The following CABP1 variants were observed in gnomAD, a reference collection of about 807,000 sequenced individuals.
CABP1 encodes the protein calcium binding protein 1, also known as calcium-binding protein 1.
Under a neutral mutation model 34.3 loss-of-function variants are expected in CABP1, and 17 were observed. The ratio of observed to expected loss-of-function variants is 0.50; its 90% CI spans 0.34 to 0.74. The LOEUF is 0.74. Among genes scored for constraint, CABP1 ranks in the 30% least tolerant of loss-of-function variants. The pLI is 0.01. For missense variants in CABP1, 373 were observed against 511.1 expected (o/e 0.73, Z 2.61); for synonymous variants, 198 against 229.2 (o/e 0.86, Z 1.23).
At chr12:120,672,193 C>A (rs114093852), downstream of CABP1, among the ~76,000 whole-genome samples, 1,465 of 152,198 alleles carry the variant, frequency 9.6e-3, 28 homozygotes, top group African/African-American at 0.033. Context: ...GAGATCCAGC[C>A]AGCAATTTGC....
chr12:120,655,787 G>T, intron 1 of CABP1: 1 of 1,499,850 alleles, frequency 6.7e-7, no homozygotes, highest in South Asian at 1.3e-5. Flanking sequence ...TCATGCACTT[G>T]GGTGTGTGAT....
At chr12:120,646,868 A>G (rs377549034) in intron 1 of CABP1, among the ~76,000 whole-genome samples, 2 of 152,142 alleles carry the variant, frequency 1.3e-5, no homozygotes, top group Non-Finnish European at 2.9e-5. Context: ...CCTCCTGCCT[A>G]TCTGCCCGGC....
chr12:120,666,165 T>C (rs1880964644), intron 5 of CABP1, among the ~76,000 whole-genome samples: 1 of 145,550 alleles, frequency 6.9e-6, no homozygotes, highest in Non-Finnish European at 1.5e-5. Flanking sequence ...GCCACTGCAC[T>C]TCAGCGTGGG....
the CABP1 span, among the ~76,000 whole-genome samples, chr12:120,674,205 G>T: frequency 6.6e-6 from 1 of 152,186 alleles, no homozygotes; most frequent in African/African-American, 2.4e-5. Flanking sequence ...TTAAATAGAA[G>T]TATTCACTAT....
At chr12:120,642,379 A>G (rs1879376258) in intron 1 of CABP1, among the ~76,000 whole-genome samples, 1 of 152,194 alleles carries the variant, frequency 6.6e-6, no homozygotes, top group Non-Finnish European at 1.5e-5. Flanking sequence ...GCCGGATCAG[A>G]ATTCCAAGGA....
intron 1 of CABP1, among the ~76,000 whole-genome samples, chr12:120,645,679 A>G (rs1325090020): frequency 6.6e-6 from 1 of 152,082 alleles, no homozygotes; most frequent in Non-Finnish European, 1.5e-5. Context: ...AAATACAAAA[A>G]TTAGCTGGGT....
the CABP1 span, among the ~76,000 whole-genome samples, chr12:120,677,082 T>C: frequency 7.4e-6 from 1 of 134,586 alleles, no homozygotes; most frequent in Non-Finnish European, 1.6e-5. Context: ...TTGAAGTTTG[T>C]GGTTTTTTTT....
rs140287793 is a variant in CABP1 at position 120,658,088 on chromosome 12, C to CTTT, written c.655-1769_655-1767dup. 2.9e-3 allele frequency among the ~76,000 whole-genome samples: 250 copies of CTTT among 86,212 alleles called. 6 individuals carry two copies. Among genetic ancestry groups the CTTT allele is most frequent in the African/African-American group, 9.3e-3 (205 of 22,020 alleles). 56.6% of individuals were successfully genotyped at this position (86,212 alleles called of 152,430 possible). On this transcript the variant is annotated intron_variant, in intron 1 of 5. Transcript: ENST00000316803. Reference sequence around the variant, plus strand: ...CCCTTAAGCCAGGCACCATCACCAGCTTTTTTTTTTTTTTTTTTTTTTTGA... The same window carrying CTTT: ...CCCTTAAGCCAGGCACCATCACCAGCTTTTTTTTTTTTTTTTTTTTTTTTTTGA...
At chr12:120,645,556 A>G (rs1009789110) in intron 1 of CABP1, among the ~76,000 whole-genome samples, 5 of 152,166 alleles carry the variant, frequency 3.3e-5, no homozygotes, top group African/African-American at 1.2e-4. Context: ...TTGGCCAGGC[A>G]CAGTGGCTCA....
At chr12:120,642,350 C>T (rs902823322) in intron 1 of CABP1, among the ~76,000 whole-genome samples, 2 of 152,192 alleles carry the variant, frequency 1.3e-5, no homozygotes, top group Non-Finnish European at 2.9e-5. Context: ...GAAGCTGTTT[C>T]AAGCTCCTGG....
At chr12:120,671,163 C>T (rs1032512647), downstream of CABP1, among the ~76,000 whole-genome samples, 4 of 151,948 alleles carry the variant, frequency 2.6e-5, no homozygotes, top group African/African-American at 7.2e-5. Flanking sequence ...CCCAGCACTT[C>T]GGGAGGCCAA....
At chr12:120,649,055 G>GCTC (rs1471790217) in intron 1 of CABP1, among the ~76,000 whole-genome samples, 1 of 151,390 alleles carries the variant, frequency 6.6e-6, no homozygotes, top group East Asian at 1.9e-4. Context: ...CGCCCCCCAG[G>GCTC]CTCCTCCTCC....
chr12:120,680,630 T>C, the CABP1 span, among the ~76,000 whole-genome samples: 2 of 152,162 alleles, frequency 1.3e-5, no homozygotes, highest in African/African-American at 4.8e-5. Flanking sequence ...CAGGGCCACC[T>C]GGGGACTGAC....
intron 1 of CABP1, among the ~76,000 whole-genome samples, chr12:120,649,544 T>C (rs145997971): frequency 0.028 from 4,261 of 152,198 alleles, 96 homozygotes; most frequent in Middle Eastern, 0.092. Flanking sequence ...CTGTGGGACC[T>C]CGAAGAGCGC....
chr12:120,655,922 CTCTG>C (rs1880169004), intron 1 of CABP1: 6 of 1,537,110 alleles, frequency 3.9e-6, no homozygotes, highest in Non-Finnish European at 5.2e-6. Flanking sequence ...GGATTGGAGA[CTCTG>C]TCTGTTGGAC....
chr12:120,666,875 A>T lies in CABP1; in HGVS notation c.1088A>T (p.Glu363Val). 6.2e-7 allele frequency: 1 copy of T among 1,606,382 alleles called. No individual in the cohort carries two copies. Among genetic ancestry groups the T allele is most frequent in the Non-Finnish European group, 8.5e-7 (1 of 1,178,722 alleles). ...CCCAGCTGCTCCTCTACCCTTCTAGAGTTTGTCCGGATGATGTCCCGCTGA... is the reference window on the plus strand; with the variant it reads ...CCCAGCTGCTCCTCTACCCTTCTAGTGTTTGTCCGGATGATGTCCCGCTGA... ...LNGDGRVDFE[E>V]FVRMMSR Residue 363 changes from glutamate to valine, a missense_variant and splice_region_variant, in exon 6 of 6, where the codon GAG becomes GTG. Around this residue, in one of 4 missense-constraint regions of CABP1, gnomAD observed 109 missense variants for 204.8 expected, o/e 0.53. Coordinates refer to ENST00000316803, the MANE Select transcript of CABP1 (RefSeq NM_001033677.2).
At chr12:120,644,465 T>A (rs1879462937) in intron 1 of CABP1, among the ~76,000 whole-genome samples, 1 of 152,148 alleles carries the variant, frequency 6.6e-6, no homozygotes. Flanking sequence ...CACCCAGCTG[T>A]CTAGAGAAGA....
At chr12:120,646,484 C>T (rs575590933) in intron 1 of CABP1, among the ~76,000 whole-genome samples, 8 of 152,254 alleles carry the variant, frequency 5.3e-5, no homozygotes, top group African/African-American at 1.9e-4. Context: ...TCACTCCTTA[C>T]AGGAAGCCCC....
intron 1 of CABP1, chr12:120,655,702 G>A (rs1880136160): frequency 1.4e-6 from 2 of 1,432,784 alleles, no homozygotes; most frequent in South Asian, 1.5e-5. Flanking sequence ...TTTTGGGAAA[G>A]GATGTTGTCT....
Sources: allele counts gnomAD v4.1 joint callset (sites outside exome capture counted in the v4.1 genomes callset), GRCh38; gene constraint gnomAD v4.1.1; regional missense constraint gnomAD v4.1.1; transcripts MANE v1.5; gene names NCBI Gene and HGNC (gene_info 2026-07-23, HGNC 2026-07-21).